Variants in MSI2 observed in about 807,000 individuals in gnomAD.
MSI2 encodes RNA-binding protein Musashi homolog 2.
In MSI2, 17 loss-of-function variants were observed where a neutral mutation model predicts 45.6. The ratio of observed to expected loss-of-function variants is 0.37; its 90% confidence interval spans 0.26 to 0.56. The LOEUF (loss-of-function observed/expected upper bound fraction) is 0.56, where lower values mean the gene tolerates loss of function less well. Ranked by LOEUF, MSI2 falls within the 20% of genes least tolerant of loss-of-function variation. MSI2 has a pLI of 0.77. For synonymous variants in MSI2, 156 were observed against 158.2 expected (o/e 0.99, Z 0.11); for missense variants, 293 against 444.2 (o/e 0.66, Z 3.06).
intron 9 of MSI2, among the ~76,000 whole-genome samples, chr17:57,621,617 A>C (rs1908296909): frequency 6.6e-6 from 1 of 152,206 alleles, no homozygotes; most frequent in East Asian, 1.9e-4. Context: ...CTAATTTTTA[A>C]ATATCATTTA....
chr17:57,365,812 T>C (rs1445698499), intron 5 of MSI2, among the ~76,000 whole-genome samples: 1 of 152,224 alleles, frequency 6.6e-6, no homozygotes, highest in Non-Finnish European at 1.5e-5. Context: ...CAGAACCTTA[T>C]ACAGCCCATC....
chr17:57,584,674 G>C (rs2088296219), intron 7 of MSI2, among the ~76,000 whole-genome samples: 1 of 152,192 alleles, frequency 6.6e-6, no homozygotes, highest in Non-Finnish European at 1.5e-5. Flanking sequence ...GTTGGAGAAA[G>C]GCGAGTGAGC....
intron 7 of MSI2, among the ~76,000 whole-genome samples, chr17:57,570,793 T>G (rs2087856343): frequency 6.6e-6 from 1 of 152,212 alleles, no homozygotes; most frequent in Non-Finnish European, 1.5e-5. Context: ...GTCTGGCAGC[T>G]TGGGATGCAT....
chr17:57,623,723 A>T (rs1285758433), intron 9 of MSI2, among the ~76,000 whole-genome samples: 1 of 152,084 alleles, frequency 6.6e-6, no homozygotes, highest in African/African-American at 2.4e-5. Flanking sequence ...GGGTCATCCC[A>T]CCGTAATGTG....
intron 5 of MSI2, among the ~76,000 whole-genome samples, chr17:57,363,571 C>T (rs555205639): frequency 2.1e-4 from 32 of 152,264 alleles, no homozygotes; most frequent in African/African-American, 7.7e-4. Flanking sequence ...AACCCTGTCT[C>T]TACTAAAAAG....
intron 7 of MSI2, among the ~76,000 whole-genome samples, chr17:57,546,533 C>G (rs1301924648): frequency 6.6e-6 from 1 of 152,172 alleles, no homozygotes; most frequent in Non-Finnish European, 1.5e-5. Flanking sequence ...GTGGCCTTGC[C>G]TTTATCAAAC....
intron 7 of MSI2, among the ~76,000 whole-genome samples, chr17:57,554,310 T>A (rs1393358272): frequency 2.6e-5 from 4 of 152,014 alleles, no homozygotes; most frequent in African/African-American, 9.7e-5. Context: ...CAAAGTAAAT[T>A]CATAGTTTTA....
intron 7 of MSI2, among the ~76,000 whole-genome samples, chr17:57,540,969 C>T (rs577952059): frequency 1.0e-3 from 156 of 152,254 alleles, no homozygotes; most frequent in African/African-American, 3.6e-3. Context: ...TTATCCTTCT[C>T]GCTCTGTGCC....
chr17:57,437,961 AC>A (rs2084721090), intron 6 of MSI2, among the ~76,000 whole-genome samples: 2 of 152,218 alleles, frequency 1.3e-5, no homozygotes, highest in South Asian at 4.1e-4. Context: ...GTGCACATGC[AC>A]CCGTGTAATT....
At chr17:57,267,528 C>T (rs1907913213) in intron 5 of MSI2, 1 of 152,062 alleles carries the variant, frequency 6.6e-6, no homozygotes, top group South Asian at 2.1e-4. Context: ...ACCAGCTGAC[C>T]ATCTCAGGTG....
chr17:57,404,062 T>G (rs2084041560), intron 6 of MSI2, among the ~76,000 whole-genome samples: 1 of 152,210 alleles, frequency 6.6e-6, no homozygotes, highest in South Asian at 2.1e-4. Flanking sequence ...CAACTGCAAT[T>G]TAATGAGGTG....
intron 5 of MSI2, among the ~76,000 whole-genome samples, chr17:57,303,073 G>A (rs1371477715): frequency 6.6e-6 from 1 of 152,228 alleles, no homozygotes; most frequent in Non-Finnish European, 1.5e-5. Context: ...CAGGACTGCT[G>A]GAGCACAGGA....
At chr17:57,659,057 T>TTGGC (rs902028848) in intron 11 of MSI2, among the ~76,000 whole-genome samples, 1 of 107,028 alleles carries the variant, frequency 9.3e-6, no homozygotes, top group African/African-American at 2.9e-5. Flanking sequence ...TTTTTTTTAT[T>TTGGC]TGGTTGGTTG....
intron 6 of MSI2, among the ~76,000 whole-genome samples, chr17:57,517,480 G>A (rs577312837): frequency 5.3e-5 from 8 of 152,326 alleles, no homozygotes; most frequent in East Asian, 1.9e-4. Context: ...CAGCTTGTCC[G>A]AGAGGGCGGG....
intron 11 of MSI2, among the ~76,000 whole-genome samples, chr17:57,669,311 G>A (rs1237249679): frequency 6.6e-6 from 1 of 152,216 alleles, no homozygotes; most frequent in East Asian, 1.9e-4. Context: ...GTGGCTGGCT[G>A]TTCAGAGGGA....
rs961177354 is a variant in MSI2 at position 57,324,964 on chromosome 17, A to G, written c.312+62772A>G. Among the ~76,000 whole-genome samples, 6 of 152,208 alleles carry G rather than the reference A, an allele frequency of 3.9e-5. No individual in the cohort carries two copies. The East Asian group carries it at 1.2e-3, about 29-fold the overall frequency. The stretch of plus-strand genomic sequence containing the variant: ...GGAGGGTTGAGTTGCCACAGCTCAG[A>G]GCCCAGTGCTGCCAAAATCACCACT... On this transcript the variant is annotated intron_variant, in intron 5 of 13. Transcript: ENST00000284073.
intron 6 of MSI2, among the ~76,000 whole-genome samples, chr17:57,409,964 T>C (rs1250510113): frequency 5.6e-5 from 7 of 124,658 alleles, no homozygotes; most frequent in Admixed American, 3.3e-4. Context: ...GCCGAGATCG[T>C]GCCACTGCAC....
At chr17:57,535,920 A>C (rs571057611) in intron 7 of MSI2, among the ~76,000 whole-genome samples, 48 of 152,230 alleles carry the variant, frequency 3.2e-4, no homozygotes, top group African/African-American at 1.0e-3. Context: ...TTAAGCTGTG[A>C]TAGAAGATAA....
intron 5 of MSI2, among the ~76,000 whole-genome samples, chr17:57,271,257 C>T (rs1908334633): frequency 6.6e-6 from 1 of 152,128 alleles, no homozygotes; most frequent in South Asian, 2.1e-4. Context: ...ATGAGTTTCT[C>T]TCAAACGTCC....
Sources: gnomAD v4.1 joint callset for allele counts (sites outside exome capture counted in the v4.1 genomes callset) on GRCh38, gnomAD v4.1.1 for gene constraint, MANE v1.5 for transcripts, NCBI Gene and HGNC (gene_info 2026-07-23, HGNC 2026-07-21) for gene names.